The following ARB2A variants were observed in gnomAD, a reference collection of about 807,000 sequenced individuals.
ARB2A encodes the protein ARB2 cotranscriptional regulator A, also known as cotranscriptional regulator ARB2A.
At chr5:93,669,549 A>C in the ARB2A span, among the ~76,000 whole-genome samples, 1 of 152,220 alleles carries the variant, frequency 6.6e-6, no homozygotes, top group Admixed American at 6.5e-5. Flanking sequence ...ATGGATTCTT[A>C]ATGTTATTAA....
chr5:93,985,671 CGCCTCG>C, the ARB2A span, among the ~76,000 whole-genome samples: 1 of 152,164 alleles, frequency 6.6e-6, no homozygotes, highest in Non-Finnish European at 1.5e-5. Flanking sequence ...GTGATCTGCC[CGCCTCG>C]GCCTCCCGAG....
chr5:93,740,279 C>T, the ARB2A span: 1 of 277,768 alleles, frequency 3.6e-6, no homozygotes, highest in Admixed American at 4.7e-5. Context: ...ATAACAGACA[C>T]AATATTTAAT....
the ARB2A span, among the ~76,000 whole-genome samples, chr5:93,628,843 C>T: frequency 2.0e-5 from 3 of 152,200 alleles, no homozygotes; most frequent in Non-Finnish European, 2.9e-5. Context: ...ATCTTCTATC[C>T]AGACTACTCA....
chr5:93,873,562 T>G, the ARB2A span, among the ~76,000 whole-genome samples: 1 of 152,220 alleles, frequency 6.6e-6, no homozygotes, highest in Non-Finnish European at 1.5e-5. Context: ...AAAACAGAAT[T>G]ATGGCCCTTT....
the ARB2A span, chr5:94,074,695 T>C: frequency 3.7e-6 from 6 of 1,613,090 alleles, no homozygotes; most frequent in Middle Eastern, 3.3e-4. Flanking sequence ...CCTGCTGGAT[T>C]TGTGCCATGT....
At chr5:93,973,662 GA>G in the ARB2A span, among the ~76,000 whole-genome samples, 1 of 152,102 alleles carries the variant, frequency 6.6e-6, no homozygotes, top group Non-Finnish European at 1.5e-5. Context: ...GGCAGCCATG[GA>G]AAAGAATCAC....
chr5:93,848,582 T>C, the ARB2A span, among the ~76,000 whole-genome samples: 2 of 152,272 alleles, frequency 1.3e-5, no homozygotes, highest in East Asian at 1.9e-4. Context: ...AATTCACAAA[T>C]AAGGATTCTG....
the ARB2A span, among the ~76,000 whole-genome samples, chr5:93,709,034 C>T: frequency 6.6e-6 from 1 of 151,432 alleles, no homozygotes; most frequent in Admixed American, 6.6e-5. Flanking sequence ...CACCCACCCC[C>T]ACCCCACCAC....
At chr5:94,072,006 C>T in the ARB2A span, among the ~76,000 whole-genome samples, 1 of 152,066 alleles carries the variant, frequency 6.6e-6, no homozygotes, top group Non-Finnish European at 1.5e-5. Context: ...AATGGCATAT[C>T]TAGACAATGG....
At chr5:93,954,013 G>C in the ARB2A span, among the ~76,000 whole-genome samples, 1 of 152,142 alleles carries the variant, frequency 6.6e-6, no homozygotes, top group Admixed American at 6.5e-5. Context: ...GGACTCTCCT[G>C]TAAGGGCAGT....
chr5:94,018,203 T>C, the ARB2A span, among the ~76,000 whole-genome samples: 2 of 152,182 alleles, frequency 1.3e-5, no homozygotes, highest in African/African-American at 4.8e-5. Context: ...AATAAAGTGG[T>C]GCTGCCTATA....
chr5:93,829,741 A>G, the ARB2A span, among the ~76,000 whole-genome samples: 3 of 152,200 alleles, frequency 2.0e-5, no homozygotes, highest in Non-Finnish European at 2.9e-5. Flanking sequence ...AGAATGAATA[A>G]AACAGTTGGA....
the ARB2A span, among the ~76,000 whole-genome samples, chr5:93,847,266 T>A: frequency 2.0e-5 from 3 of 152,168 alleles, no homozygotes; most frequent in Non-Finnish European, 2.9e-5. Context: ...TCCACTGAAG[T>A]CTAGCAAAGC....
At chr5:93,676,213 C>A in the ARB2A span, among the ~76,000 whole-genome samples, 5 of 151,958 alleles carry the variant, frequency 3.3e-5, no homozygotes, top group Non-Finnish European at 7.4e-5. Flanking sequence ...TCCATTATGA[C>A]CAAGTACAAG....
the ARB2A span, among the ~76,000 whole-genome samples, chr5:93,966,693 CA>C: frequency 6.6e-6 from 1 of 152,052 alleles, no homozygotes; most frequent in Non-Finnish European, 1.5e-5. Context: ...CAGCTCTAGT[CA>C]TCCTCCAAAA....
chr5:93,918,430 C>CTTTTTTTT, the ARB2A span, among the ~76,000 whole-genome samples: 4 of 107,354 alleles, frequency 3.7e-5, no homozygotes, highest in African/African-American at 1.0e-4. Flanking sequence ...TTCCAAATTT[C>CTTTTTTTT]TTTTTTTTTT....
At chr5:94,053,066 A>G in the ARB2A span, 1 of 856,730 alleles carries the variant, frequency 1.2e-6, no homozygotes, top group South Asian at 2.3e-5. Context: ...TAAATTTTGC[A>G]TATACTATAG....
the ARB2A span, among the ~76,000 whole-genome samples, chr5:93,634,010 G>A: frequency 6.6e-6 from 1 of 152,008 alleles, no homozygotes; most frequent in African/African-American, 2.4e-5. Context: ...CGATCTGCCT[G>A]CCTCAGCCTC....
At chr5:93,985,647 G>A in the ARB2A span, among the ~76,000 whole-genome samples, 1 of 152,208 alleles carries the variant, frequency 6.6e-6, no homozygotes, top group Non-Finnish European at 1.5e-5. Flanking sequence ...CTGGTCTCCT[G>A]CTCCTGACCT....
Sources: gnomAD v4.1 joint callset for allele counts (sites outside exome capture counted in the v4.1 genomes callset) on GRCh38, gnomAD v4.1.1 for gene constraint, MANE v1.5 for transcripts, NCBI Gene and HGNC (gene_info 2026-07-23, HGNC 2026-07-21) for gene names.